Variants in SLC4A4 observed in about 807,000 individuals in gnomAD.
The protein encoded by SLC4A4 is electrogenic sodium bicarbonate cotransporter 1.
SLC4A4 carries 27 observed loss-of-function variants against 111.5 expected under a neutral mutation model. The ratio of observed to expected loss-of-function variants is 0.24; its 90% CI spans 0.18 to 0.33. The LOEUF is 0.33. Among genes scored for constraint, SLC4A4 ranks in the 10% least tolerant of loss-of-function variants. The pLI is 1.00. For missense variants in SLC4A4, 909 were observed against 1,315.5 expected (o/e 0.69, Z 4.78); for synonymous variants, 443 against 463.4 (o/e 0.96, Z 0.57).
At chr4:71,422,451 A>C (rs965516532) in intron 7 of SLC4A4, among the ~76,000 whole-genome samples, 1 of 151,464 alleles carries the variant, frequency 6.6e-6, no homozygotes, top group African/African-American at 2.4e-5. Context: ...TATTCCAATC[A>C]ATAGAAAAAG....
rs543748880 is a variant in SLC4A4 at position 71,300,489 on chromosome 4, T to G, written c.254-38881T>G. ...TCAGCACCACAAGTTCTGCCCATGC[T>G]GACAAGCCTTCCAGGAGGCCTGGGC... On this transcript the variant is annotated intron_variant, in intron 3 of 25. Transcript: ENST00000264485. 4.8e-5 allele frequency: 12 copies of G among 249,000 alleles called. No homozygotes were observed. The South Asian group carries it at 7.8e-4, about 16-fold the overall frequency. 15.4% of individuals were successfully genotyped at this position (249,000 alleles called of 1,614,324 possible).
At chr4:71,327,956 A>G (rs1727635377) in intron 3 of SLC4A4, among the ~76,000 whole-genome samples, 1 of 151,946 alleles carries the variant, frequency 6.6e-6, no homozygotes, top group African/African-American at 2.4e-5. Context: ...GTACCCATTA[A>G]CCATCCCCCA....
chr4:71,260,096 T>C (rs1721743498), intron 3 of SLC4A4, among the ~76,000 whole-genome samples: 1 of 152,200 alleles, frequency 6.6e-6, no homozygotes, highest in African/African-American at 2.4e-5. Context: ...TTTATGCTAG[T>C]GAACATTGTT....
chr4:71,161,065 G>A (rs1157029955), intron 2 of SLC4A4, among the ~76,000 whole-genome samples: 1 of 152,128 alleles, frequency 6.6e-6, no homozygotes, highest in Non-Finnish European at 1.5e-5. Flanking sequence ...GTCTGCTGAG[G>A]GCCAGAGGGC....
intron 2 of SLC4A4, among the ~76,000 whole-genome samples, chr4:71,121,174 C>G (rs911892502): frequency 6.6e-6 from 1 of 152,158 alleles, no homozygotes; most frequent in South Asian, 2.1e-4. Flanking sequence ...AGGGAGGTCT[C>G]AGGACCTGCA....
Position 71,440,781 on chromosome 4 carries a change from G to T in SLC4A4, c.965+8G>T. The T allele has an allele frequency of 6.2e-7, 1 of 1,613,888 alleles. No individual in the cohort carries two copies. Among genetic ancestry groups the T allele is most frequent in the Non-Finnish European group, 8.5e-7 (1 of 1,179,948 alleles). On this transcript the variant is annotated splice_region_variant and intron_variant, in intron 8 of 25. Coordinates refer to ENST00000264485, the MANE Select transcript of SLC4A4 (RefSeq NM_001098484.3). ...AGTTCCTGTGCCCACAAGGTAAGCT[G>T]CTCTCCTACCTGGGGTCTACAATGT...
intron 7 of SLC4A4, among the ~76,000 whole-genome samples, chr4:71,428,972 G>T (rs551992521): frequency 8.6e-4 from 131 of 152,092 alleles, no homozygotes; most frequent in Non-Finnish European, 1.7e-3. Context: ...AGGACAAATT[G>T]TGAGTATTCC....
chr4:71,532,509 G>A (rs892408392), intron 17 of SLC4A4, among the ~76,000 whole-genome samples: 2 of 151,916 alleles, frequency 1.3e-5, no homozygotes, highest in Admixed American at 6.6e-5. Context: ...TCATCCTCCT[G>A]ATTTTTTCTT....
chr4:71,519,765 G>A (rs1377522003), intron 16 of SLC4A4, among the ~76,000 whole-genome samples: 1 of 152,106 alleles, frequency 6.6e-6, no homozygotes, highest in East Asian at 1.9e-4. Flanking sequence ...CTCCTGAGTA[G>A]CTGGGTTTAC....
At chr4:71,395,361 T>C (rs1719723465) in intron 6 of SLC4A4, among the ~76,000 whole-genome samples, 1 of 152,202 alleles carries the variant, frequency 6.6e-6, no homozygotes, top group African/African-American at 2.4e-5. Flanking sequence ...GCTGTTAATA[T>C]TAATTACTTT....
chr4:71,320,309 G>A (rs16846279), intron 3 of SLC4A4, among the ~76,000 whole-genome samples: 1,655 of 152,072 alleles, frequency 0.011, 30 homozygotes, highest in African/African-American at 0.035. Flanking sequence ...TAAATTGACA[G>A]CGTGACCTCA....
At chr4:71,425,245 A>T (rs1723013608) in intron 7 of SLC4A4, among the ~76,000 whole-genome samples, 2 of 152,154 alleles carry the variant, frequency 1.3e-5, no homozygotes, top group Non-Finnish European at 2.9e-5. Flanking sequence ...AAGGCCAAGG[A>T]ACCCTTTATT....
Position 71,508,438 on chromosome 4 carries a change from A to G in SLC4A4, c.2166+10746A>G, listed in dbSNP as rs185707476. Among the ~76,000 whole-genome samples the G allele has an allele frequency of 6.6e-5, 10 of 152,264 alleles. No homozygotes were observed. In the East Asian group the frequency reaches 9.6e-4, roughly 15 times the overall value. On this transcript the variant is annotated intron_variant, in intron 16 of 25. Transcript: ENST00000264485. ...TGACCCCACTGAAATACAAACAACC[A>G]TTAGAGAATATTATCCCTTAATAGT... is the stretch of plus-strand genomic sequence containing the variant.
chr4:71,229,264 T>G (rs914226815), intron 1 of SLC4A4, among the ~76,000 whole-genome samples: 2 of 152,214 alleles, frequency 1.3e-5, no homozygotes, highest in Admixed American at 1.3e-4. Context: ...CTAAGCAGTA[T>G]TTCATGGTAT....
intron 1 of SLC4A4, among the ~76,000 whole-genome samples, chr4:71,204,480 A>C (rs1022727775): frequency 5.3e-5 from 8 of 152,190 alleles, no homozygotes; most frequent in African/African-American, 1.9e-4. Flanking sequence ...AGTACTTGAA[A>C]ACTTTTTATT....
chr4:71,107,954 C>A (rs1742990128), intron 2 of SLC4A4, among the ~76,000 whole-genome samples: 1 of 152,096 alleles, frequency 6.6e-6, no homozygotes, highest in South Asian at 2.1e-4. Context: ...ATAGCTATTT[C>A]CTTTGTGGTT....
At chr4:71,230,412 C>T (rs1433450682) in intron 1 of SLC4A4, among the ~76,000 whole-genome samples, 2 of 152,172 alleles carry the variant, frequency 1.3e-5, no homozygotes, top group South Asian at 2.1e-4. Context: ...CCCCTGTGTG[C>T]GTCACTTTGG....
chr4:71,143,915 T>C (rs1379450382), intron 2 of SLC4A4, among the ~76,000 whole-genome samples: 1 of 152,310 alleles, frequency 6.6e-6, no homozygotes, highest in East Asian at 1.9e-4. Context: ...ACTCTGATGG[T>C]AGTTTCTTTT....
chr4:71,231,531 G>C (rs1719423160), intron 1 of SLC4A4, among the ~76,000 whole-genome samples: 1 of 152,184 alleles, frequency 6.6e-6, no homozygotes, highest in Non-Finnish European at 1.5e-5. Context: ...ACCTTGCTTT[G>C]GGTGTGGACT....
Sources: allele counts gnomAD v4.1 joint callset (sites outside exome capture counted in the v4.1 genomes callset), GRCh38; gene constraint gnomAD v4.1.1; transcripts MANE v1.5; gene names NCBI Gene and HGNC (gene_info 2026-07-23, HGNC 2026-07-21).